Variants in ANO3 observed in about 807,000 individuals in gnomAD.
ANO3 encodes anoctamin-3.
In ANO3, 99 loss-of-function variants were observed where a neutral mutation model predicts 144.8. The ratio of observed to expected loss-of-function variants is 0.68; its 90% CI spans 0.58 to 0.81. The LOEUF is 0.81. Among genes scored for constraint, ANO3 ranks in the 30% least tolerant of loss-of-function variants. The pLI is 0.00. For synonymous variants in ANO3, 414 were observed against 392.6 expected (o/e 1.05, Z -0.64); for missense variants, 905 against 1,202.2 (o/e 0.75, Z 3.66).
At chr11:26,401,050 T>C (rs1857134969) in intron 1 of ANO3, among the ~76,000 whole-genome samples, 1 of 152,044 alleles carries the variant, frequency 6.6e-6, no homozygotes, top group African/African-American at 2.4e-5. Flanking sequence ...TATCTACCTT[T>C]GGATATGCAT....
At chr11:26,206,270 A>G (rs1406168348) in intron 1 of ANO3, among the ~76,000 whole-genome samples, 1 of 152,214 alleles carries the variant, frequency 6.6e-6, no homozygotes. Context: ...ATCTCCAAAC[A>G]TGAGTTAATC....
At chr11:26,346,501 A>T (rs1855499166) in intron 1 of ANO3, among the ~76,000 whole-genome samples, 1 of 152,190 alleles carries the variant, frequency 6.6e-6, no homozygotes, top group Non-Finnish European at 1.5e-5. Context: ...TTCCTTCAGA[A>T]TACCTAATCT....
intron 4 of ANO3, among the ~76,000 whole-genome samples, chr11:26,476,427 C>T (rs910363735): frequency 6.6e-6 from 1 of 151,806 alleles, no homozygotes; most frequent in Non-Finnish European, 1.5e-5. Flanking sequence ...TATGTGAGGG[C>T]CCTGGTGTGG....
intron 1 of ANO3, among the ~76,000 whole-genome samples, chr11:26,317,538 C>T (rs889292923): frequency 1.3e-5 from 2 of 152,090 alleles, no homozygotes; most frequent in Admixed American, 6.6e-5. Context: ...TACAGAAACG[C>T]AAATCAAAAC....
intron 1 of ANO3, among the ~76,000 whole-genome samples, chr11:26,390,870 T>A (rs1856857634): frequency 6.6e-6 from 1 of 152,066 alleles, no homozygotes; most frequent in Non-Finnish European, 1.5e-5. Flanking sequence ...TGTCCCTAGA[T>A]AAAAATTAGG....
chr11:26,323,598 C>T (rs1854813637), intron 1 of ANO3, among the ~76,000 whole-genome samples: 1 of 152,140 alleles, frequency 6.6e-6, no homozygotes, highest in Non-Finnish European at 1.5e-5. Context: ...TTCCTGTGCT[C>T]TCCTAGCCTC....
At chr11:26,514,750 G>A (rs1861798097) in intron 5 of ANO3, among the ~76,000 whole-genome samples, 1 of 152,014 alleles carries the variant, frequency 6.6e-6, no homozygotes, top group East Asian at 1.9e-4. Flanking sequence ...CATAAAGCAG[G>A]AAAATGTATA....
rs192461420 is a variant in ANO3 at position 26,387,119 on chromosome 11, G to A, written c.46+54798G>A. ...GAGAGAGAGAATATAGTTATTTGAT[G>A]CAAATGTAGTATTTTTTTTTTTTTT... On this transcript the variant is annotated intron_variant, in intron 1 of 26. Coordinates refer to ENST00000256737, the MANE Select transcript of ANO3 (RefSeq NM_031418.4). 4.6e-3 allele frequency among the ~76,000 whole-genome samples: 648 copies of A among 142,036 alleles called. 3 individuals are homozygous for A. Among genetic ancestry groups the A allele is most frequent in the Middle Eastern group, 0.015 (4 of 272 alleles). 93.2% of individuals were successfully genotyped at this position (142,036 alleles called of 152,430 possible).
At chr11:26,573,960 A>T (rs1365737200) in intron 14 of ANO3, among the ~76,000 whole-genome samples, 4 of 152,222 alleles carry the variant, frequency 2.6e-5, no homozygotes, top group African/African-American at 9.6e-5. Flanking sequence ...CTAGCCAAAC[A>T]AACAAGTTTC....
chr11:26,425,975 G>C (rs1857908123), intron 1 of ANO3, among the ~76,000 whole-genome samples: 1 of 152,028 alleles, frequency 6.6e-6, no homozygotes, highest in African/African-American at 2.4e-5. Flanking sequence ...TGTGTGATAT[G>C]TTACTTTTCC....
At chr11:26,570,346 A>G (rs550689151) in intron 14 of ANO3, among the ~76,000 whole-genome samples, 5 of 152,062 alleles carry the variant, frequency 3.3e-5, no homozygotes, top group African/African-American at 9.7e-5. Flanking sequence ...CAGTAAGGGA[A>G]GCAAACCCAC....
intron 1 of ANO3, among the ~76,000 whole-genome samples, chr11:26,407,090 A>ATATATATATG (rs1399721095): frequency 6.3e-5 from 9 of 143,672 alleles, no homozygotes; most frequent in Non-Finnish European, 7.6e-5. Context: ...ATATATATAT[A>ATATATATATG]TATGTATATA....
intron 4 of ANO3, among the ~76,000 whole-genome samples, chr11:26,467,407 C>T: frequency 3.0e-5 from 1 of 32,904 alleles, no homozygotes; most frequent in East Asian, 8.4e-4. Flanking sequence ...TTTTTTGTGC[C>T]CATTTAATCA....
intron 14 of ANO3, among the ~76,000 whole-genome samples, chr11:26,586,365 T>A (rs1289592388): frequency 6.6e-6 from 1 of 151,562 alleles, no homozygotes; most frequent in Admixed American, 6.6e-5. Flanking sequence ...TTTTTTTTTT[T>A]TTTTTTTTTT....
chr11:26,235,189 C>T (rs914576700), intron 1 of ANO3, among the ~76,000 whole-genome samples: 13 of 152,134 alleles, frequency 8.5e-5, no homozygotes, highest in African/African-American at 2.9e-4. Flanking sequence ...ACAGATAAAT[C>T]CAGTAATAAT....
intron 1 of ANO3, among the ~76,000 whole-genome samples, chr11:26,353,317 G>T (rs2133915243): frequency 6.6e-6 from 1 of 152,318 alleles, no homozygotes; most frequent in Non-Finnish European, 1.5e-5. Context: ...GTTTGGTCCA[G>T]TTGGTCTTAG....
At chr11:26,324,263 CAT>C (rs910277467) in intron 1 of ANO3, among the ~76,000 whole-genome samples, 31 of 152,276 alleles carry the variant, frequency 2.0e-4, no homozygotes, top group East Asian at 7.7e-4. Context: ...TAAATAACCA[CAT>C]GTTTGTGGAG....
chr11:26,573,659 C>T (rs557892774), intron 14 of ANO3, among the ~76,000 whole-genome samples: 1 of 152,192 alleles, frequency 6.6e-6, no homozygotes, highest in South Asian at 2.1e-4. Context: ...TATAGCTCTC[C>T]GTTTTCACTG....
intron 3 of ANO3, among the ~76,000 whole-genome samples, chr11:26,461,254 T>C (rs1038364414): frequency 2.8e-4 from 43 of 152,216 alleles, no homozygotes; most frequent in African/African-American, 8.9e-4. Context: ...GCTCCAAGAA[T>C]ATAACTCCAA....
Sources: gnomAD v4.1 joint callset for allele counts (sites outside exome capture counted in the v4.1 genomes callset) on GRCh38, gnomAD v4.1.1 for gene constraint, MANE v1.5 for transcripts, NCBI Gene and HGNC (gene_info 2026-07-23, HGNC 2026-07-21) for gene names.